GATAD1: variants seen among roughly 807,000 people sequenced by gnomAD.
GATAD1 encodes GATA zinc finger domain containing 1.
A neutral mutation model predicts 26.5 loss-of-function variants in GATAD1; 12 were observed. The observed-to-expected ratio is 0.45, with a 90% CI of 0.29 to 0.73. GATAD1 has a LOEUF of 0.73. Ranked by LOEUF, GATAD1 falls within the 30% of genes least tolerant of loss-of-function variation. The probability of loss-of-function intolerance (pLI) is 0.10; values close to 1 mark genes in which losing one functional copy is unlikely to be tolerated. For synonymous variants in GATAD1, 129 were observed against 133.1 expected, an observed-to-expected ratio of 0.97 and a Z score of 0.21; for missense variants, 266 against 342.1, an observed-to-expected ratio of 0.78 and a Z score of 1.75.
rs1174719998 is a variant in GATAD1, at chr7:92,448,698, T to A, written c.250-54T>A. ...TTGTAAGATGATTGTACTGCAACCT[T>A]TATGCACTTTTTACTTCTTTCTCTT... On this transcript the variant is annotated intron_variant, in intron 1 of 4. Coordinates refer to ENST00000287957, the MANE Select transcript of GATAD1 (RefSeq NM_021167.5). The A allele has an allele frequency of 2.8e-6, 4 of 1,438,388 alleles. No homozygotes were observed. The African/African-American group carries it at 5.6e-5, about 20-fold the overall frequency. 89.1% of individuals were successfully genotyped at this position (1,438,388 alleles called of 1,614,324 possible). A position where few individuals can be genotyped will look rare whatever the true frequency, so the allele number is the denominator to read the frequency against.
the GATAD1 span, among the ~76,000 whole-genome samples, chr7:92,480,796 C>T: frequency 9.5e-4 from 144 of 152,078 alleles, 2 homozygotes; most frequent in African/African-American, 3.3e-3. Context: ...TGGGATCTGA[C>T]GCCTTTTGGT....
chr7:92,494,263 G>A, the GATAD1 span: 1 of 1,481,666 alleles, frequency 6.7e-7, no homozygotes, highest in South Asian at 1.1e-5. Flanking sequence ...GCATTTGTTG[G>A]GTTTTGGACT....
chr7:92,452,029 A>G (rs1789456728), intron 3 of GATAD1, among the ~76,000 whole-genome samples: 1 of 152,252 alleles, frequency 6.6e-6, no homozygotes. Flanking sequence ...GTAAATAGTT[A>G]CTACCTCAGT....
chr7:92,479,657 T>C, the GATAD1 span, among the ~76,000 whole-genome samples: 10 of 151,872 alleles, frequency 6.6e-5, no homozygotes, highest in African/African-American at 2.4e-4. Flanking sequence ...AGCAAAAATT[T>C]TGGGGGTGGT....
the GATAD1 span, chr7:92,491,536 T>C: frequency 4.7e-6 from 6 of 1,286,910 alleles, no homozygotes; most frequent in Non-Finnish European, 6.8e-6. Flanking sequence ...AGTTTAAAGA[T>C]GTAAACAATT....
At chr7:92,487,826 G>A in the GATAD1 span, among the ~76,000 whole-genome samples, 1 of 152,124 alleles carries the variant, frequency 6.6e-6, no homozygotes, top group African/African-American at 2.4e-5. Context: ...TCAAAGAAAT[G>A]TAAATTATTG....
chr7:92,486,843 T>G, the GATAD1 span, among the ~76,000 whole-genome samples: 1 of 152,212 alleles, frequency 6.6e-6, no homozygotes, highest in Admixed American at 6.5e-5. Flanking sequence ...TGAGAGAATA[T>G]CAAGATAAAA....
chr7:92,465,987 G>A, the GATAD1 span, among the ~76,000 whole-genome samples: 1 of 152,170 alleles, frequency 6.6e-6, no homozygotes. Context: ...TGGGCCGACA[G>A]AGTGAGACTC....
chr7:92,483,766 C>T, the GATAD1 span, among the ~76,000 whole-genome samples: 35 of 152,120 alleles, frequency 2.3e-4, no homozygotes, highest in Non-Finnish European at 3.7e-4. Context: ...AGTCACAGAA[C>T]GAAACTGTAA....
chr7:92,487,578 A>G, the GATAD1 span: 1 of 906,456 alleles, frequency 1.1e-6, no homozygotes. Flanking sequence ...ATGTATAAAT[A>G]CTACCATTAC....
chr7:92,462,491 T>A (rs184910531), downstream of GATAD1, among the ~76,000 whole-genome samples: 132 of 152,348 alleles, frequency 8.7e-4, 1 homozygote, highest in African/African-American at 3.0e-3. Context: ...TTTATGCTTT[T>A]AAAAATTTTG....
chr7:92,463,108 A>C (rs1789981339), downstream of GATAD1: 1 of 152,236 alleles, frequency 6.6e-6, no homozygotes, highest in Non-Finnish European at 1.5e-5. Flanking sequence ...CCTTGAAAAC[A>C]TGTTAATGGA....
intron 2 of GATAD1, 142 bp from the exon 3 acceptor site, chr7:92,450,559 T>G: frequency 1.8e-6 from 1 of 561,154 alleles, no homozygotes; most frequent in Non-Finnish European, 3.1e-6. Context: ...ATTCAGAAAA[T>G]CATTTATCTT....
At chr7:92,488,280 C>A in the GATAD1 span, among the ~76,000 whole-genome samples, 1 of 152,146 alleles carries the variant, frequency 6.6e-6, no homozygotes, top group Non-Finnish European at 1.5e-5. Context: ...GTGGGCTTAA[C>A]AGAAATTTGT....
chr7:92,470,410 C>A, the GATAD1 span: 10 of 666,898 alleles, frequency 1.5e-5, no homozygotes, highest in Non-Finnish European at 2.7e-5. Flanking sequence ...TTACTTTCCT[C>A]CTGGTTGTTG....
At chr7:92,476,429 CT>C in the GATAD1 span, among the ~76,000 whole-genome samples, 1 of 152,282 alleles carries the variant, frequency 6.6e-6, no homozygotes, top group African/African-American at 2.4e-5. Context: ...GGCCTCAGTG[CT>C]TTCGGCCTAT....
the GATAD1 span, among the ~76,000 whole-genome samples, chr7:92,466,795 G>A: frequency 7.2e-5 from 11 of 152,182 alleles, no homozygotes; most frequent in East Asian, 3.9e-4. Context: ...GTGACCACTT[G>A]TGTTATCTAA....
At chr7:92,494,196 C>A in the GATAD1 span, 1 of 889,310 alleles carries the variant, frequency 1.1e-6, no homozygotes, top group Admixed American at 2.0e-5. Flanking sequence ...GAAAGCTGGT[C>A]TTCTAAGGAC....
At chr7:92,474,904 T>C in the GATAD1 span, 2 of 152,154 alleles carry the variant, frequency 1.3e-5, no homozygotes, top group Admixed American at 1.3e-4. Flanking sequence ...TTGGGGAATA[T>C]TGGCACTCTT....
Sources: gnomAD v4.1 joint callset for allele counts (sites outside exome capture counted in the v4.1 genomes callset) on GRCh38, gnomAD v4.1.1 for gene constraint, MANE v1.5 for transcripts, NCBI Gene and HGNC (gene_info 2026-07-23, HGNC 2026-07-21) for gene names.